Variants in CACNA1B observed in about 807,000 individuals in gnomAD.
CACNA1B encodes voltage-dependent N-type calcium channel subunit alpha-1B.
Under a neutral mutation model 247.2 loss-of-function variants are expected in CACNA1B, and 70 were observed. That is an observed-to-expected ratio of 0.28 (90% CI 0.23 to 0.35). The LOEUF (loss-of-function observed/expected upper bound fraction) is 0.35, where lower values mean the gene tolerates loss of function less well. CACNA1B is among the 10% of genes least tolerant of loss of function. The pLI is 1.00. For synonymous variants in CACNA1B, 1,231 were observed against 1,294.4 expected (o/e 0.95, Z 1.05); for missense variants, 2,367 against 3,197.4 (o/e 0.74, Z 6.26).
rs756265011 is a variant in CACNA1B, at chr9:137,971,265, CTG to C, written c.1334-115_1334-114del. ...TCACAGGGGTCACTGGCACAATTGTCTGTGACCGGCTGGGGCTGGGGGCAGGT... is the reference window on the plus strand; with the variant it reads ...TCACAGGGGTCACTGGCACAATTGTCTGACCGGCTGGGGCTGGGGGCAGGT... On this transcript the variant is annotated intron_variant, in intron 10 of 46. Transcript: ENST00000371372. The surrounding 1 kb of genome is among the most constrained non-coding windows in gnomAD (Gnocchi z 4.4). 8.7e-5 allele frequency: 61 copies of C among 699,998 alleles called. No individual in the cohort carries two copies. The African/African-American group carries it at 9.8e-4, about 11-fold the overall frequency. 43.4% of individuals were successfully genotyped at this position (699,998 alleles called of 1,614,324 possible). A position where few individuals can be genotyped will look rare whatever the true frequency, so the allele number is the denominator to read the frequency against.
intron 15 of CACNA1B, among the ~76,000 whole-genome samples, chr9:137,987,849 G>T (rs1341585229): frequency 6.6e-6 from 1 of 152,196 alleles, no homozygotes; most frequent in East Asian, 1.9e-4. Flanking sequence ...TGCTGGGCTG[G>T]AGCCTATGAC....
rs554224509 is a variant in CACNA1B, at chr9:137,955,684, C to A, written c.1071-14C>A. 1.6e-5 allele frequency: 26 copies of A among 1,583,848 alleles called. No individual in the cohort carries two copies. In the East Asian group the frequency reaches 4.9e-4, roughly 30 times the overall value. ...CACTCACCTGATCTTGCTTTTCCGG[C>A]CCCTGCATGGTAGGGAGTTTGCCAA... On this transcript the variant is annotated splice_polypyrimidine_tract_variant and intron_variant, in intron 7 of 46. Coordinates refer to ENST00000371372, the MANE Select transcript of CACNA1B (RefSeq NM_000718.4). This position sits in a 1 kb window ranked among gnomAD's most constrained non-coding sequence, Gnocchi z 6.9.
chr9:137,886,907 G>A (rs752604407), intron 3 of CACNA1B, among the ~76,000 whole-genome samples: 2 of 152,136 alleles, frequency 1.3e-5, no homozygotes, highest in Non-Finnish European at 2.9e-5. Flanking sequence ...ACTGGAGAGC[G>A]TGAGGGGTGA....
intron 6 of CACNA1B, among the ~76,000 whole-genome samples, chr9:137,943,783 A>G (rs1382215851): frequency 6.6e-6 from 1 of 152,138 alleles, no homozygotes; most frequent in Admixed American, 6.5e-5. Flanking sequence ...GGCTTGCAAG[A>G]CCGCATTCTT....
At position 138,114,240 on chromosome 9, in the gene CACNA1B, C is replaced by G. The variant is rs548072655; in HGVS notation, c.5537-138C>G. 1.1e-4 allele frequency: 67 copies of G among 610,784 alleles called. No homozygotes were observed. The South Asian group carries it at 1.2e-3, about 11-fold the overall frequency. The allele number at this position is 610,784 out of a possible 1,614,324, so 37.8% of individuals were successfully genotyped here. On this transcript the variant is annotated intron_variant, in intron 40 of 46. Coordinates refer to ENST00000371372, the MANE Select transcript of CACNA1B (RefSeq NM_000718.4). ...CGAGCCCCATGTTCTGCCTGAGAGC[C>G]CTCTGTCCCAGTGCATTTCCAGGAG...
intron 31 of CACNA1B, among the ~76,000 whole-genome samples, chr9:138,061,471 G>A (rs1008182664): frequency 1.3e-5 from 2 of 152,138 alleles, no homozygotes; most frequent in South Asian, 2.1e-4. Flanking sequence ...TCGATTGGCC[G>A]TTGGTTCATC....
At chr9:138,036,961 A>G (rs1446356371) in intron 20 of CACNA1B, among the ~76,000 whole-genome samples, 3 of 152,198 alleles carry the variant, frequency 2.0e-5, no homozygotes, top group South Asian at 4.1e-4. Context: ...TTTACTAGTT[A>G]TTTCAAAAAT....
Position 138,053,895 on chromosome 9 carries a change from T to G in CACNA1B, c.3857T>G (p.Leu1286Trp), listed in dbSNP as rs1554753244. Residue 1286 changes from leucine (L) to tryptophan (W), a missense_variant, in exon 26 of 47, where the codon TTG becomes TGG. Leu to Trp is a moderately conservative substitution (Grantham distance 61). Around this residue, in one of 12 missense-constraint regions of CACNA1B, gnomAD observed 436 missense variants for 679.5 expected, o/e 0.64. Coordinates refer to ENST00000371372, the MANE Select transcript of CACNA1B (RefSeq NM_000718.4). ...VNSLKNVLNI[L>W]IVYMLFMFIF... ...TCCCTGAAGAATGTCCTCAACATCT[T>G]GATTGTCTACATGCTCTTCATGTTC... The G allele has an allele frequency of 1.9e-6, 3 of 1,613,092 alleles. No homozygotes were observed. The highest frequency in any genetic ancestry group is 2.5e-6 in the Non-Finnish European group (3 of 1,179,176).
Position 137,957,546 on chromosome 9 carries a change from T to A in CACNA1B, c.1244-52T>A. On this transcript the variant is annotated intron_variant, in intron 9 of 46. Transcript: ENST00000371372. The surrounding 1 kb of genome is among the most constrained non-coding windows in gnomAD (Gnocchi z 4.7). Reference sequence around the variant, plus strand: ...TGATCCCATGCCCCGCTGAGGCAGGTGGCCTGAGGGCTGCAGCTCAGGCAG... The same window carrying A: ...TGATCCCATGCCCCGCTGAGGCAGGAGGCCTGAGGGCTGCAGCTCAGGCAG... 7.3e-7 allele frequency: 1 copy of A among 1,367,002 alleles called. No homozygotes were observed. The highest frequency in any genetic ancestry group is 1.0e-6 in the Non-Finnish European group (1 of 1,001,414). The allele number at this position is 1,367,002 out of a possible 1,614,324, so 84.7% of individuals were successfully genotyped here.
In CACNA1B at chr9:137,882,031, C is replaced by T. The variant is rs1956929305; in HGVS notation, c.391-713C>T. Among the ~76,000 whole-genome samples the T allele has an allele frequency of 6.6e-6, 1 of 152,200 alleles. No homozygotes were observed. Among genetic ancestry groups the T allele is most frequent in the Non-Finnish European group, 1.5e-5 (1 of 68,030 alleles). ...AGGCTCAGACTGTGGCTGGCTGCCT[C>T]CAGGGTCCTCACAGATGTGGCGGTC... On this transcript the variant is annotated intron_variant, in intron 2 of 46. Transcript: ENST00000371372. This position sits in a 1 kb window ranked among gnomAD's most constrained non-coding sequence, Gnocchi z 4.0.
chr9:138,079,790 G>A (rs907139329), intron 36 of CACNA1B, among the ~76,000 whole-genome samples: 3 of 146,494 alleles, frequency 2.0e-5, no homozygotes, highest in Non-Finnish European at 4.5e-5. Context: ...CAGGAGACTC[G>A]CTAGAACCCG....
In CACNA1B at chr9:138,007,432, C is replaced by G. The variant is rs1958666851; in HGVS notation, c.2092+548C>G. The stretch of plus-strand genomic sequence containing the variant: ...CCCTAGCAAGGGACCATGATAGGGA[C>G]AGGGCTGTGGCCAAGGAAGATCTGG... On this transcript the variant is annotated intron_variant, in intron 16 of 46. Coordinates refer to ENST00000371372, the MANE Select transcript of CACNA1B (RefSeq NM_000718.4). The surrounding 1 kb of genome is among the most constrained non-coding windows in gnomAD (Gnocchi z 4.1). 6.6e-6 allele frequency among the ~76,000 whole-genome samples: 1 copy of G among 151,760 alleles called. No homozygotes were observed. Among genetic ancestry groups the G allele is most frequent in the Non-Finnish European group, 1.5e-5 (1 of 68,012 alleles).
rs150438133 is a variant in CACNA1B at position 138,037,706 on chromosome 9, C to G, written c.3287-6068C>G. Among the ~76,000 whole-genome samples the G allele has an allele frequency of 1.8e-3, 280 of 152,098 alleles. 1 individual carries two copies. Among genetic ancestry groups the G allele is most frequent in the African/African-American group, 6.5e-3 (271 of 41,522 alleles). On this transcript the variant is annotated intron_variant, in intron 20 of 46. Transcript: ENST00000371372. ...AAGAGAGAAAAAATCCAGTTCCCTTCTTTTGGAAGGCTTCCAGGTGGTGGT... is the reference window on the plus strand; with the variant it reads ...AAGAGAGAAAAAATCCAGTTCCCTTGTTTTGGAAGGCTTCCAGGTGGTGGT...
At chr9:137,926,887 G>A (rs568715580) in intron 6 of CACNA1B, among the ~76,000 whole-genome samples, 1 of 152,238 alleles carries the variant, frequency 6.6e-6, no homozygotes, top group African/African-American at 2.4e-5. Context: ...TGAATCTGTT[G>A]TTTTGGTTGT....
At chr9:137,948,355 A>G (rs1957822714) in intron 6 of CACNA1B, among the ~76,000 whole-genome samples, 1 of 152,072 alleles carries the variant, frequency 6.6e-6, no homozygotes, top group Admixed American at 6.6e-5. Context: ...ATATCAGATC[A>G]TTTGTTATAG....
At chr9:137,928,961 A>G (rs1206399351) in intron 6 of CACNA1B, among the ~76,000 whole-genome samples, 1 of 152,224 alleles carries the variant, frequency 6.6e-6, no homozygotes, top group Non-Finnish European at 1.5e-5. Flanking sequence ...TTGTGTATTT[A>G]TAGCATATTT....
At position 137,955,661 on chromosome 9, in the gene CACNA1B, C is replaced by T; in HGVS notation, c.1071-37C>T. On this transcript the variant is annotated intron_variant, in intron 7 of 46. Transcript: ENST00000371372. This position sits in a 1 kb window ranked among gnomAD's most constrained non-coding sequence, Gnocchi z 6.9. ...GGGCTGCACACCTGTGGGGCTTGCACTCACCTGATCTTGCTTTTCCGGCCC... is the reference window on the plus strand; with the variant it reads ...GGGCTGCACACCTGTGGGGCTTGCATTCACCTGATCTTGCTTTTCCGGCCC... 7.1e-7 allele frequency: 1 copy of T among 1,410,370 alleles called. No homozygotes were observed. Among genetic ancestry groups the T allele is most frequent in the South Asian group, 1.2e-5 (1 of 84,088 alleles). 87.4% of individuals were successfully genotyped at this position (1,410,370 alleles called of 1,614,324 possible).
At chr9:137,982,752 G>A (rs1158228322) in intron 12 of CACNA1B, among the ~76,000 whole-genome samples, 1 of 152,204 alleles carries the variant, frequency 6.6e-6, no homozygotes, top group African/African-American at 2.4e-5. Flanking sequence ...ATGATCAAGG[G>A]CAACATGTGA....
At chr9:138,063,080 G>A (rs1174170398) in intron 31 of CACNA1B, among the ~76,000 whole-genome samples, 1 of 152,256 alleles carries the variant, frequency 6.6e-6, no homozygotes, top group Non-Finnish European at 1.5e-5. Context: ...GAGTGCGTCA[G>A]GGCATCTGAT....
Sources: allele counts gnomAD v4.1 joint callset (sites outside exome capture counted in the v4.1 genomes callset), GRCh38; gene constraint gnomAD v4.1.1; regional missense constraint gnomAD v4.1.1; non-coding constraint Gnocchi (gnomAD v3.1); transcripts MANE v1.5; gene names NCBI Gene and HGNC (gene_info 2026-07-23, HGNC 2026-07-21).